PLAAT1: variants seen among roughly 807,000 people sequenced by gnomAD.
The protein encoded by PLAAT1 is H-REV107 protein-related protein.
PLAAT1 carries 13 observed loss-of-function variants against 16.4 expected under a neutral mutation model. The ratio of observed to expected loss-of-function variants is 0.79; its 90% CI spans 0.52 to 1.26. The LOEUF (loss-of-function observed/expected upper bound fraction) is 1.26. Ranked by LOEUF, PLAAT1 falls within the 50% of genes most tolerant of loss-of-function variation. The probability of loss-of-function intolerance (pLI) is 0.00; values close to 1 mark genes in which losing one functional copy is unlikely to be tolerated. For synonymous variants in PLAAT1, 73 were observed against 78.4 expected (o/e 0.93, Z 0.36); for missense variants, 218 against 207.8 (o/e 1.05, Z -0.30).
chr3:193,241,563 G>T, intron 1 of PLAAT1, 30 bp downstream of exon 1: 2 of 1,229,360 alleles, frequency 1.6e-6, no homozygotes, highest in Non-Finnish European at 2.0e-6. Context: ...GGAGGACCTC[G>T]AGGCGCCCCG....
chr3:193,261,574 A>T (rs1395879445), intron 2 of PLAAT1, among the ~76,000 whole-genome samples: 3 of 152,198 alleles, frequency 2.0e-5, no homozygotes, highest in African/African-American at 7.2e-5. Context: ...AATGATATTT[A>T]TGATTCAGAG....
intron 3 of PLAAT1, among the ~76,000 whole-genome samples, chr3:193,267,908 G>A (rs527714000): frequency 6.6e-6 from 1 of 152,186 alleles, no homozygotes; most frequent in African/African-American, 2.4e-5. Flanking sequence ...CATTTTAATA[G>A]GCATCTTGTT....
At chr3:193,277,976 A>G (rs1254507915), downstream of PLAAT1, among the ~76,000 whole-genome samples, 1 of 152,082 alleles carries the variant, frequency 6.6e-6, no homozygotes, top group African/African-American at 2.4e-5. Context: ...GCTAATTTTT[A>G]TATTTTTAGT....
upstream of PLAAT1, chr3:193,241,221 G>A (rs1157328616): frequency 1.1e-5 from 14 of 1,224,084 alleles, no homozygotes; most frequent in Middle Eastern, 3.1e-4. Flanking sequence ...GGCTCCCCAT[G>A]GTCAGAGCCT....
At chr3:193,254,545 A>C (rs1442723604) in intron 1 of PLAAT1, among the ~76,000 whole-genome samples, 2 of 152,212 alleles carry the variant, frequency 1.3e-5, no homozygotes, top group Non-Finnish European at 2.9e-5. Context: ...TTCTACTTCT[A>C]TTCCATACAT....
chr3:193,240,684 T>G (rs1020258457), upstream of PLAAT1, among the ~76,000 whole-genome samples: 1 of 145,324 alleles, frequency 6.9e-6, no homozygotes, highest in Non-Finnish European at 1.5e-5. Context: ...TGTGTGTGTG[T>G]GGTTGGAGGT....
In PLAAT1 at chr3:193,255,643, C is replaced by T. The variant is rs748580445; in HGVS notation, c.1-8C>T. 5 of 1,599,018 alleles carry T rather than the reference C, an allele frequency of 3.1e-6. No homozygotes were observed. Among genetic ancestry groups the T allele is most frequent in the Non-Finnish European group, 4.3e-6 (5 of 1,171,414 alleles). Reference sequence around the variant, plus strand: ...TTAGCTAGCTCTTCTTTGTATTTGTCATTGCAGATGGCGTTTAATGATTGC... The same window carrying T: ...TTAGCTAGCTCTTCTTTGTATTTGTTATTGCAGATGGCGTTTAATGATTGC... On this transcript the variant is annotated splice_region_variant and splice_polypyrimidine_tract_variant and intron_variant, in intron 1 of 3. Coordinates refer to ENST00000264735, the MANE Select transcript of PLAAT1 (RefSeq NM_020386.5).
At chr3:193,262,013 AAAGT>A (rs1716602144) in intron 2 of PLAAT1, among the ~76,000 whole-genome samples, 1 of 152,168 alleles carries the variant, frequency 6.6e-6, no homozygotes, top group Non-Finnish European at 1.5e-5. Context: ...ACTAAAAGAG[AAAGT>A]TTCTAAACAC....
At chr3:193,268,364 G>T (rs1245669426) in intron 3 of PLAAT1, among the ~76,000 whole-genome samples, 3 of 152,124 alleles carry the variant, frequency 2.0e-5, no homozygotes, top group African/African-American at 7.2e-5. Flanking sequence ...CCGCTATACT[G>T]CTGTCTAGAC....
chr3:193,241,041 A>C (rs1447200652), upstream of PLAAT1: 2 of 424,334 alleles, frequency 4.7e-6, no homozygotes, highest in Non-Finnish European at 7.4e-6. Context: ...CGGCGCTTTG[A>C]CCGTAGGCGC....
intron 1 of PLAAT1, among the ~76,000 whole-genome samples, chr3:193,250,921 A>G (rs1213459404): frequency 6.7e-6 from 1 of 148,732 alleles, no homozygotes; most frequent in Non-Finnish European, 1.5e-5. Flanking sequence ...TGGGAGTGCC[A>G]TCCCTCCCAT....
downstream of PLAAT1, among the ~76,000 whole-genome samples, chr3:193,278,434 T>C (rs1311790085): frequency 2.6e-5 from 4 of 152,196 alleles, no homozygotes; most frequent in African/African-American, 9.7e-5. Flanking sequence ...TATTCATTCT[T>C]GTTCATACTC....
chr3:193,274,726 T>G, downstream of PLAAT1: 1 of 284,478 alleles, frequency 3.5e-6, no homozygotes. Flanking sequence ...CTTTTTTCCA[T>G]TGATGTTCAT....
At chr3:193,271,669 G>A (rs1308275145), downstream of PLAAT1, among the ~76,000 whole-genome samples, 1 of 152,156 alleles carries the variant, frequency 6.6e-6, no homozygotes, top group East Asian at 1.9e-4. Flanking sequence ...TACACCACCA[G>A]CCAATGACAT....
At chr3:193,244,401 A>G (rs1031982660) in intron 1 of PLAAT1, among the ~76,000 whole-genome samples, 31 of 152,102 alleles carry the variant, frequency 2.0e-4, no homozygotes, top group Admixed American at 2.0e-3. Flanking sequence ...CATCATTGTC[A>G]ACATTTGATG....
intron 1 of PLAAT1, among the ~76,000 whole-genome samples, chr3:193,252,269 A>C (rs1227943450): frequency 6.6e-6 from 1 of 152,180 alleles, no homozygotes; most frequent in Non-Finnish European, 1.5e-5. Context: ...GGCATTAGCC[A>C]TTCATGAGGG....
At chr3:193,250,495 C>T (rs564495176) in intron 1 of PLAAT1, among the ~76,000 whole-genome samples, 28 of 152,162 alleles carry the variant, frequency 1.8e-4, no homozygotes, top group Admixed American at 6.5e-5. Flanking sequence ...TAAAAAGCCA[C>T]GTTTTTGTTC....
downstream of PLAAT1, among the ~76,000 whole-genome samples, chr3:193,272,313 G>A (rs891594794): frequency 6.6e-6 from 1 of 151,982 alleles, no homozygotes; most frequent in Non-Finnish European, 1.5e-5. Context: ...CGTGGTGGCG[G>A]GCGCCTACAG....
chr3:193,272,437 T>A (rs111871238), downstream of PLAAT1, among the ~76,000 whole-genome samples: 10 of 149,928 alleles, frequency 6.7e-5, no homozygotes, highest in African/African-American at 2.4e-4. Flanking sequence ...AGAGCGAGAC[T>A]CCACCTCAAA....
Sources: gnomAD v4.1 joint callset for allele counts (sites outside exome capture counted in the v4.1 genomes callset) on GRCh38, gnomAD v4.1.1 for gene constraint, MANE v1.5 for transcripts, NCBI Gene and HGNC (gene_info 2026-07-23, HGNC 2026-07-21) for gene names.